The following RERE variants were observed in gnomAD, a reference collection of about 807,000 sequenced individuals.
RERE encodes the protein arginine-glutamic acid dipeptide repeats protein.
RERE carries 40 observed loss-of-function variants against 146.1 expected under a neutral mutation model. That is an observed-to-expected ratio of 0.27 (90% CI 0.21 to 0.36). The LOEUF (loss-of-function observed/expected upper bound fraction) is 0.36. Ranked by LOEUF, RERE falls within the 10% of genes least tolerant of loss-of-function variation. The probability of loss-of-function intolerance (pLI) is 1.00; values close to 1 mark genes in which losing one functional copy is unlikely to be tolerated. For synonymous variants in RERE, 1,003 were observed against 866.0 expected, an observed-to-expected ratio of 1.16 and a Z score of -2.78; for missense variants, 1,933 against 2,138.7, an observed-to-expected ratio of 0.90 and a Z score of 1.90.
At chr1:8,457,797 C>T (rs1204081838) in intron 11 of RERE, among the ~76,000 whole-genome samples, 2 of 152,074 alleles carry the variant, frequency 1.3e-5, no homozygotes, top group Admixed American at 6.6e-5. Context: ...GACGGTGTTT[C>T]GCTATGTTGG....
chr1:8,773,597 G>A (rs1193327085), intron 1 of RERE, among the ~76,000 whole-genome samples: 2 of 152,186 alleles, frequency 1.3e-5, no homozygotes, highest in Non-Finnish European at 2.9e-5. Context: ...AGGCCAGGGT[G>A]GGCGAATCAC....
intron 2 of RERE, among the ~76,000 whole-genome samples, chr1:8,654,660 G>A (rs1040841079): frequency 6.6e-6 from 1 of 151,236 alleles, no homozygotes; most frequent in African/African-American, 2.4e-5. Context: ...TTGAGACAGG[G>A]TCTTGCTCTG....
At chr1:8,736,907 C>G (rs1405650380) in intron 1 of RERE, among the ~76,000 whole-genome samples, 2 of 148,818 alleles carry the variant, frequency 1.3e-5, no homozygotes, top group African/African-American at 4.9e-5. Flanking sequence ...TGTTTGACAT[C>G]TTCCTTCTCA....
intron 1 of RERE, among the ~76,000 whole-genome samples, chr1:8,728,478 C>T (rs1334449796): frequency 3.3e-5 from 5 of 150,826 alleles, no homozygotes; most frequent in Non-Finnish European, 7.4e-5. Flanking sequence ...AAAAAAAAAC[C>T]CTATTGAAAC....
intron 1 of RERE, among the ~76,000 whole-genome samples, chr1:8,665,835 C>T (rs1462928452): frequency 3.3e-5 from 5 of 152,098 alleles, no homozygotes; most frequent in Admixed American, 2.6e-4. Context: ...AAACTGGATA[C>T]ATCTGAGAGA....
At chr1:8,411,587 G>A (rs1353904375) in intron 12 of RERE, among the ~76,000 whole-genome samples, 1 of 152,062 alleles carries the variant, frequency 6.6e-6, no homozygotes, top group Non-Finnish European at 1.5e-5. Flanking sequence ...GACCTTTCAG[G>A]TCAACCCATC....
intron 1 of RERE, among the ~76,000 whole-genome samples, chr1:8,661,804 T>C (rs1638462581): frequency 6.6e-6 from 1 of 152,208 alleles, no homozygotes. Context: ...AGAGTCGAAG[T>C]TGGCAGAGGT....
intron 1 of RERE, among the ~76,000 whole-genome samples, chr1:8,783,862 A>T (rs1034649587): frequency 2.3e-4 from 35 of 152,222 alleles, no homozygotes; most frequent in African/African-American, 8.4e-4. Context: ...CCCCAGAAAG[A>T]TATGTCCAAG....
At chr1:8,741,711 C>T (rs1640313806) in intron 1 of RERE, among the ~76,000 whole-genome samples, 1 of 152,204 alleles carries the variant, frequency 6.6e-6, no homozygotes, top group Admixed American at 6.5e-5. Flanking sequence ...TCAATTAAAC[C>T]TATTTCCTTT....
chr1:8,796,765 G>A (rs1486430020), intron 1 of RERE: 1 of 151,328 alleles, frequency 6.6e-6, no homozygotes, highest in Admixed American at 6.6e-5. Flanking sequence ...GAAATACGAA[G>A]GGTTAAAATA....
At chr1:8,526,031 C>T in intron 7 of RERE, 2 of 1,252,970 alleles carry the variant, frequency 1.6e-6, no homozygotes, top group Non-Finnish European at 2.0e-6. Flanking sequence ...CTCCACGACG[C>T]AATCAATCTC....
At chr1:8,711,280 C>A (rs894203423) in intron 1 of RERE, among the ~76,000 whole-genome samples, 2 of 146,834 alleles carry the variant, frequency 1.4e-5, no homozygotes, top group Non-Finnish European at 3.0e-5. Context: ...ACAAAAAATA[C>A]AACTTTCCAC....
At chr1:8,494,484 T>TG (rs973900043) in intron 10 of RERE, among the ~76,000 whole-genome samples, 29 of 152,056 alleles carry the variant, frequency 1.9e-4, no homozygotes, top group Non-Finnish European at 5.9e-5. Flanking sequence ...CCCAACACTT[T>TG]GGGAGGTCGA....
chr1:8,768,505 C>T (rs1362437542), intron 1 of RERE, among the ~76,000 whole-genome samples: 1 of 152,148 alleles, frequency 6.6e-6, no homozygotes, highest in Non-Finnish European at 1.5e-5. Flanking sequence ...CAACACAGCA[C>T]CCACTGGTCA....
chr1:8,803,822 A>C (rs980191649), intron 1 of RERE, among the ~76,000 whole-genome samples: 3 of 151,992 alleles, frequency 2.0e-5, no homozygotes, highest in African/African-American at 7.2e-5. Flanking sequence ...TCAGCCCCAC[A>C]AAGTGCTGGG....
intron 1 of RERE, among the ~76,000 whole-genome samples, chr1:8,672,977 C>T (rs1161532251): frequency 6.6e-6 from 1 of 152,168 alleles, no homozygotes; most frequent in Non-Finnish European, 1.5e-5. Context: ...AATCGGAGGA[C>T]AGAATGACTA....
chr1:8,373,512 T>C (rs1642122753), intron 12 of RERE, among the ~76,000 whole-genome samples: 1 of 152,022 alleles, frequency 6.6e-6, no homozygotes, highest in African/African-American at 2.4e-5. Flanking sequence ...GGCCTCAAAT[T>C]ATGTAGGGCA....
In RERE at chr1:8,702,471, A is replaced by G. The variant is rs538180063; in HGVS notation, c.-144-46030T>C. ...AGGAAGACAGCATCCCACACTAAAA[A>G]ATTCTTTTAACAATTTAAACGTAAA... On this transcript the variant is annotated intron_variant, in intron 1 of 22. Coordinates refer to ENST00000400908, the MANE Select transcript of RERE (RefSeq NM_001042681.2). Among the ~76,000 whole-genome samples the G allele has an allele frequency of 1.8e-3, 278 of 152,330 alleles. 3 individuals carry two copies. Among genetic ancestry groups the G allele is most frequent in the Non-Finnish European group, 2.2e-3 (148 of 68,036 alleles).
chr1:8,672,126 T>C (rs777595207), intron 1 of RERE, among the ~76,000 whole-genome samples: 2 of 151,912 alleles, frequency 1.3e-5, no homozygotes, highest in Non-Finnish European at 2.9e-5. Flanking sequence ...AAAAAATAAA[T>C]AATAATTTTT....
Sources: gnomAD v4.1 joint callset for allele counts (sites outside exome capture counted in the v4.1 genomes callset) on GRCh38, gnomAD v4.1.1 for gene constraint, MANE v1.5 for transcripts, NCBI Gene and HGNC (gene_info 2026-07-23, HGNC 2026-07-21) for gene names.